Variants in TCHH observed in about 807,000 individuals in gnomAD.
TCHH encodes trichohyalin.
Under a neutral mutation model 6.3 loss-of-function variants are expected in TCHH, and 6 were observed. That is an observed-to-expected ratio of 0.95 (90% CI 0.52 to 1.88). The LOEUF is 1.88. Ranked by LOEUF, TCHH falls within the 40% of genes most tolerant of loss-of-function variation. The pLI is 0.01. For synonymous variants in TCHH, 1,087 were observed against 963.6 expected (o/e 1.13, Z -2.37); for missense variants, 2,920 against 2,449.1 (o/e 1.19, Z -4.06).
In TCHH at chr1:152,107,367, A is replaced by G. The variant is rs1271574894; in HGVS notation, c.*18T>C. On this transcript the variant is annotated 3_prime_UTR_variant, in exon 3 of 3. Coordinates refer to ENST00000614923, the MANE Select transcript of TCHH (RefSeq NM_007113.4). ...GTGCTCGAAGCTTTGGCAGGTGTCA[A>G]GATATTGGCAACATCACTTAAGGGC... 3 of 1,523,548 alleles carry G rather than the reference A, an allele frequency of 2.0e-6. No individual in the cohort carries two copies. Among genetic ancestry groups the G allele is most frequent in the Non-Finnish European group, 2.6e-6 (3 of 1,136,512 alleles). 94.4% of individuals were successfully genotyped at this position (1,523,548 alleles called of 1,614,324 possible).
In TCHH at chr1:152,112,484, CTT is replaced by C. The variant is rs752172521; in HGVS notation, c.731_732del (p.Lys244ArgfsTer433). On this transcript the variant is annotated frameshift_variant, in exon 3 of 3. Coordinates refer to ENST00000614923, the MANE Select transcript of TCHH (RefSeq NM_007113.4). LOFTEE classifies it low-confidence loss of function (END_TRUNC). The part of the protein sequence containing the change: ...QDRVFQEEEE[K>X]EWRKRETVLR... Reference sequence around the variant, plus strand: ...AGCACTGTCTCGCGCTTCCTCCACTCTTTCTCTTCTTCCTCCTGGAACACTCT... The same window carrying C: ...AGCACTGTCTCGCGCTTCCTCCACTCTCTCTTCTTCCTCCTGGAACACTCT... 1.2e-6 allele frequency: 2 copies of C among 1,613,276 alleles called. No individual in the cohort carries two copies. The highest frequency in any genetic ancestry group is 1.7e-6 in the Non-Finnish European group (2 of 1,179,700).
chr1:152,108,107 C>CA lies in TCHH; in HGVS notation c.5109_5110insT (p.Glu1704Ter), dbSNP rs747179999. 8 of 1,612,874 alleles carry CA rather than the reference C, an allele frequency of 5.0e-6. No homozygotes were observed. The highest frequency in any genetic ancestry group is 1.3e-5 in the African/African-American group (1 of 74,448). On this transcript the variant is annotated frameshift_variant, in exon 3 of 3. Transcript: ENST00000614923. LOFTEE classifies it low-confidence loss of function (END_TRUNC). ...TCCTGGAGGAATTTTCTCTCTCGTT[C>CA]CTGACGGCGGAGCTGCTGTTCCTCT...
rs1452327395 is a variant in TCHH, at chr1:152,107,598, G to C, written c.5619C>G (p.Arg1873=). The change falls in exon 3 of 3, where the codon CGC becomes CGG. Residue 1873 remains arginine, a synonymous_variant. Transcript: ENST00000614923. ...CCCGTAATTTCCTTTCCCGTTCCTG[G>C]CGACGTTTCTGCTCCTCTTCTTGCC... The part of the protein sequence containing the change: ...ELWQEEEQKR[R]QERERKLREE... 7 of 1,613,918 alleles carry C rather than the reference G, an allele frequency of 4.3e-6. No homozygotes were observed. The African/African-American group carries it at 9.3e-5, about 22-fold the overall frequency.
At chr1:152,113,173 T>C (rs1658434288) in intron 2 of TCHH, 95 bp from the exon 3 acceptor site, 7 of 1,213,914 alleles carry the variant, frequency 5.8e-6, no homozygotes, top group Non-Finnish European at 6.8e-6. Flanking sequence ...ATGCTGACAT[T>C]CAAGAGACAT....
In TCHH at chr1:152,106,392, T is replaced by C. The variant is rs1213059159; in HGVS notation, c.*993A>G. 1.3e-5 allele frequency: 2 copies of C among 152,210 alleles called. No homozygotes were observed. The highest frequency in any genetic ancestry group is 2.4e-5 in the African/African-American group (1 of 41,460). The allele number at this position is 152,210 out of a possible 1,614,324, so 9.4% of individuals were successfully genotyped here. On this transcript the variant is annotated 3_prime_UTR_variant, in exon 3 of 3. Coordinates refer to ENST00000614923, the MANE Select transcript of TCHH (RefSeq NM_007113.4). ...AAGAATATATCTAAGGTATTATCAA[T>C]AGGCCTCAAATGATTGTGGGCAAAT...
rs1443610681 is a variant in TCHH, at chr1:152,109,318, T to G, written c.3899A>C (p.Glu1300Ala). The G allele has an allele frequency of 6.2e-7, 1 of 1,614,208 alleles. No individual in the cohort carries two copies. The highest frequency in any genetic ancestry group is 1.7e-5 in the Admixed American group (1 of 60,028). Residue 1300 changes from glutamate (E) to alanine (A), a missense_variant, in exon 3 of 3, where the codon GAG (glutamate) becomes GCG (alanine). Transcript: ENST00000614923. ...DRHFPEEEQL[E>A]REEQKEAKRR... Reference sequence around the variant, plus strand: ...TTTGGCTTCCTTTTGCTCTTCTCGCTCCAGCTGTTCTTCCTCTGGGAAATG... The same window carrying G: ...TTTGGCTTCCTTTTGCTCTTCTCGCGCCAGCTGTTCTTCCTCTGGGAAATG...
chr1:152,112,778 C>G lies in TCHH; in HGVS notation c.439G>C (p.Glu147Gln), dbSNP rs1056464451. ...RRQKRQEQERELAEGEEQSEK... is the reference protein window; with the variant it reads ...RRQKRQEQERQLAEGEEQSEK... ...CTTTGCTCCTCTCCCTCAGCTAGCTCCCTCTCCTGTTCCTGCCTCTTCTGC... is the reference window on the plus strand; with the variant it reads ...CTTTGCTCCTCTCCCTCAGCTAGCTGCCTCTCCTGTTCCTGCCTCTTCTGC... The change falls in exon 3 of 3, where the codon GAG becomes CAG. Residue 147 changes from glutamate to glutamine, a missense_variant. Glu to Gln is a conservative substitution (Grantham distance 29, BLOSUM62 2). Transcript: ENST00000614923. 4 of 1,613,906 alleles carry G rather than the reference C, an allele frequency of 2.5e-6. No individual in the cohort carries two copies. The highest frequency in any genetic ancestry group is 1.3e-5 in the African/African-American group (1 of 74,860).
chr1:152,114,111 C>T lies in TCHH; in HGVS notation c.-31G>A. 1 of 1,573,784 alleles carries T rather than the reference C, an allele frequency of 6.4e-7. No individual in the cohort carries two copies. On this transcript the variant is annotated splice_region_variant and 5_prime_UTR_variant, in exon 2 of 3. Coordinates refer to ENST00000614923, the MANE Select transcript of TCHH (RefSeq NM_007113.4). ...TTTCTTTCCTTCAAGTTCAAGTAAA[C>T]CTAGAACAATAAAATAAGATCCAGA...
chr1:152,110,742 G>C lies in TCHH; in HGVS notation c.2475C>G (p.Arg825=). The C allele has an allele frequency of 5.0e-6, 8 of 1,609,042 alleles. No homozygotes were observed. The highest frequency in any genetic ancestry group is 5.9e-6 in the Non-Finnish European group (7 of 1,179,868). ...EEKEQRRRQR[R]EREKELQFLE... ...GGAACTGCAGCTCTTTCTCCCTCTC[G>C]CGTCGCTGGCGGCGCCGCTGCTCCT... Residue 825 remains arginine, a synonymous_variant, in exon 3 of 3, where the codon CGC becomes CGG. Coordinates refer to ENST00000614923, the MANE Select transcript of TCHH (RefSeq NM_007113.4).
rs761192866 is a variant in TCHH at position 152,111,923 on chromosome 1, CCTCCTCCTGCTCGCGCCT to C, written c.1276_1293del (p.Arg426_Glu431del). The C allele has an allele frequency of 6.3e-7, 1 of 1,586,902 alleles. No individual in the cohort carries two copies. Among genetic ancestry groups the C allele is most frequent in the African/African-American group, 1.4e-5 (1 of 69,244 alleles). ...TGCTCGTGCTTCTGCTCGTGCCTCT[CCTCCTCCTGCTCGCGCCT>C]CAGCTGCTGCTCGCGCCTCAGCTGC... On this transcript the variant is annotated inframe_deletion, in exon 3 of 3. Coordinates refer to ENST00000614923, the MANE Select transcript of TCHH (RefSeq NM_007113.4).
chr1:152,111,672 G>GCGCCTCTCCTCTTGCTCC lies in TCHH; in HGVS notation c.1527_1544dup (p.Glu512_Gln517dup). Reference sequence around the variant, plus strand: ...CCTCCTGGCGCTTCAGCCGCTGCTCGCGCCTCTCCTCTTGCTCCCGCCTTA... The same window carrying GCGCCTCTCCTCTTGCTCC: ...CCTCCTGGCGCTTCAGCCGCTGCTCGCGCCTCTCCTCTTGCTCCCGCCTCTCCTCTTGCTCCCGCCTTA... On this transcript the variant is annotated inframe_insertion, in exon 3 of 3. Transcript: ENST00000614923. 6.5e-7 allele frequency: 1 copy of GCGCCTCTCCTCTTGCTCC among 1,548,726 alleles called. No individual in the cohort carries two copies. The highest frequency in any genetic ancestry group is 8.8e-7 in the Non-Finnish European group (1 of 1,140,806).
rs1045293145 is a variant in TCHH, at chr1:152,109,257, C to T, written c.3960G>A (p.Leu1320=). The change falls in exon 3 of 3, where the codon TTG becomes TTA. Residue 1320 remains leucine, a synonymous_variant. Coordinates refer to ENST00000614923, the MANE Select transcript of TCHH (RefSeq NM_007113.4). Reference sequence around the variant, plus strand: ...TCTTCTCTTCTCTTTCCTCTCTCAGCAACTGCTTTTCCTCTTGGGACTTCC... The same window carrying T: ...TCTTCTCTTCTCTTTCCTCTCTCAGTAACTGCTTTTCCTCTTGGGACTTCC... ...RDRKSQEEKQ[L]LREEREEKRR... 1 of 1,614,162 alleles carries T rather than the reference C, an allele frequency of 6.2e-7. No individual in the cohort carries two copies. Among genetic ancestry groups the T allele is most frequent in the Non-Finnish European group, 8.5e-7 (1 of 1,180,050 alleles).
chr1:152,113,460 C>T (rs774887646), intron 2 of TCHH, among the ~76,000 whole-genome samples: 27 of 152,158 alleles, frequency 1.8e-4, no homozygotes, highest in Non-Finnish European at 3.2e-4. Context: ...AACACAAGTT[C>T]GCTTTAATTG....
In TCHH at chr1:152,107,967, T is replaced by C. The variant is rs773469574; in HGVS notation, c.5250A>G (p.Leu1750=). The change falls in exon 3 of 3, where the codon CTA becomes CTG. Residue 1750 remains leucine, a synonymous_variant. Transcript: ENST00000614923. ...TTTCCGGACGGAGCTGCTCTTCCTC[T>C]AGGATTTTTCTGTAGCGTTCTTGGC... is the stretch of plus-strand genomic sequence containing the variant. ...LRRQERYRKI[L]EEEQLRPERE... is the part of the protein sequence containing the mutation. 1 of 1,602,266 alleles carries C rather than the reference T, an allele frequency of 6.2e-7. No individual in the cohort carries two copies. The highest frequency in any genetic ancestry group is 8.5e-7 in the Non-Finnish European group (1 of 1,176,134).
rs564602964 is a variant in TCHH at position 152,114,865 on chromosome 1, T to A, written c.-32+526A>T. Among the ~76,000 whole-genome samples the A allele has an allele frequency of 7.9e-5, 12 of 152,366 alleles. No homozygotes were observed. In the East Asian group the frequency reaches 1.9e-3, roughly 24 times the overall value. ...GGAATCCAGAAAACTGTGAATGATA[T>A]TGGTTTTGTTAAACCCAAATGCATC... On this transcript the variant is annotated intron_variant, in intron 1 of 2. Coordinates refer to ENST00000614923, the MANE Select transcript of TCHH (RefSeq NM_007113.4).
At position 152,112,629 on chromosome 1, in the gene TCHH, G is replaced by C. The variant is rs1658417978; in HGVS notation, c.588C>G (p.Cys196Trp). Residue 196 changes from cysteine (C) to tryptophan (W), a missense_variant, in exon 3 of 3, where the codon TGC becomes TGG. Physicochemically the swap from Cys to Trp is radical, Grantham distance 215. Coordinates refer to ENST00000614923, the MANE Select transcript of TCHH (RefSeq NM_007113.4). ...RRAEEEQLQS[C>W]KGHETEEFPD... ...GAAACTCCTCAGTTTCGTGACCTTT[G>C]CAACTCTGCAGCTGCTCTTCCTCTG... The C allele has an allele frequency of 6.2e-7, 1 of 1,613,132 alleles. No individual in the cohort carries two copies. The highest frequency in any genetic ancestry group is 8.5e-7 in the Non-Finnish European group (1 of 1,179,854).
chr1:152,107,937 T>G lies in TCHH; in HGVS notation c.5280A>C (p.Glu1760Asp). Residue 1760 changes from glutamate to aspartate, a missense_variant, in exon 3 of 3, where the codon GAA (glutamate) becomes GAC (aspartate). Physicochemically the swap from Glu to Asp is conservative, Grantham distance 45. Coordinates refer to ENST00000614923, the MANE Select transcript of TCHH (RefSeq NM_007113.4). ...LEEEQLRPER[E>D]EQQLRRQERD... ...GCTCCTGGCGGCGCAGCTGCTGTTC[T>G]TCCCTTTCCGGACGGAGCTGCTCTT... is the stretch of plus-strand genomic sequence containing the variant. 1 of 1,567,170 alleles carries G rather than the reference T, an allele frequency of 6.4e-7. No individual in the cohort carries two copies.
Position 152,108,104 on chromosome 1 carries a change from G to T in TCHH, c.5113C>A (p.Arg1705=). 2 of 1,607,452 alleles carry T rather than the reference G, an allele frequency of 1.2e-6. No homozygotes were observed. Among genetic ancestry groups the T allele is most frequent in the East Asian group, 2.2e-5 (1 of 44,500 alleles). Residue 1705 remains arginine (R), a synonymous_variant, in exon 3 of 3, where the codon CGA becomes AGA. Transcript: ENST00000614923. Reference sequence around the variant, plus strand: ...TCCTCCTGGAGGAATTTTCTCTCTCGTTCCTGACGGCGGAGCTGCTGTTCC... The same window carrying T: ...TCCTCCTGGAGGAATTTTCTCTCTCTTTCCTGACGGCGGAGCTGCTGTTCC... The part of the protein sequence containing the change: ...EEEQQLRRQE[R]ERKFLQEEQQ...
In TCHH at chr1:152,111,137, G is replaced by C. The variant is rs200945586; in HGVS notation, c.2080C>G (p.Arg694Gly). 2 of 1,613,710 alleles carry C rather than the reference G, an allele frequency of 1.2e-6. No homozygotes were observed. Among genetic ancestry groups the C allele is most frequent in the Middle Eastern group, 1.7e-4 (1 of 6,060 alleles). Residue 694 changes from arginine to glycine, a missense_variant, in exon 3 of 3, where the codon CGG becomes GGG. Arg to Gly is a moderately radical substitution (Grantham distance 125). Transcript: ENST00000614923. Reference protein sequence around the residue: ...ELAEEEQEQARERIKSRIPKW... With the variant: ...ELAEEEQEQAGERIKSRIPKW... ...GGGATGCGGCTCTTAATCCGCTCCC[G>C]GGCCTGTTCCTGCTCCTCCTCAGCT...
Sources: gnomAD v4.1 joint callset for allele counts (sites outside exome capture counted in the v4.1 genomes callset) on GRCh38, gnomAD v4.1.1 for gene constraint, MANE v1.5 for transcripts, NCBI Gene and HGNC (gene_info 2026-07-23, HGNC 2026-07-21) for gene names.